The following LMCD1 variants were observed in gnomAD, a reference collection of about 807,000 sequenced individuals.
LMCD1 encodes the protein LIM and cysteine rich domains 1, also known as LIM and cysteine-rich domains protein 1.
A neutral mutation model predicts 42.7 loss-of-function variants in LMCD1; 32 were observed. The ratio of observed to expected loss-of-function variants is 0.75; its 90% CI spans 0.57 to 1.01. LMCD1 has a LOEUF of 1.01. Ranked by LOEUF, LMCD1 falls within the 50% of genes least tolerant of loss-of-function variation. The probability of loss-of-function intolerance (pLI) is 0.00; values close to 1 mark genes in which losing one functional copy is unlikely to be tolerated. For synonymous variants in LMCD1, 178 were observed against 184.9 expected, an observed-to-expected ratio of 0.96 and a Z score of 0.30; for missense variants, 458 against 483.1, an observed-to-expected ratio of 0.95 and a Z score of 0.49.
chr3:8,559,381 C>T (rs1694985465), intron 4 of LMCD1, among the ~76,000 whole-genome samples: 1 of 131,368 alleles, frequency 7.6e-6, no homozygotes, highest in South Asian at 2.3e-4. Context: ...TTATTGAGCC[C>T]TTATAAAGTC....
At position 8,567,595 on chromosome 3, in the gene LMCD1, C is replaced by T; in HGVS notation, c.1095C>T (p.Ser365=). 6.2e-7 allele frequency: 1 copy of T among 1,612,286 alleles called. No homozygotes were observed. Among genetic ancestry groups the T allele is most frequent in the South Asian group, 1.1e-5 (1 of 90,938 alleles). Residue 365 remains serine (S), a synonymous_variant, in exon 6 of 6, where the codon TCC becomes TCT. Coordinates refer to ENST00000157600, the MANE Select transcript of LMCD1 (RefSeq NM_014583.4). ...LCPTCSKSKR[S] is the part of the protein sequence containing the mutation. ...CAACTTGCAGCAAGTCCAAACGCTC[C>T]TGAAGGGCTGCCCACCCACAGCCAG...
In LMCD1 at chr3:8,561,381, G is replaced by GT. The variant is rs5846603; in HGVS notation, c.724-4034dup. On this transcript the variant is annotated intron_variant, in intron 4 of 5. Coordinates refer to ENST00000157600, the MANE Select transcript of LMCD1 (RefSeq NM_014583.4). ...AAAGATAATAATAATTGAGCACAGA[G>GT]TTTTTTTTTTTTTTTTTCCAATATA... Among the ~76,000 whole-genome samples the GT allele has an allele frequency of 4.1e-3, 589 of 144,630 alleles. 5 individuals carry two copies. The highest frequency in any genetic ancestry group is 7.3e-3 in the East Asian group (36 of 4,964). 94.9% of individuals were successfully genotyped at this position (144,630 alleles called of 152,430 possible).
intron 1 of LMCD1, 97 bp from the exon 2 acceptor site, chr3:8,532,640 C>A: frequency 1.0e-6 from 1 of 983,196 alleles, no homozygotes; most frequent in Non-Finnish European, 1.6e-6. Flanking sequence ...GAACCCCACA[C>A]AGTCCCTTTG....
At chr3:8,564,009 A>T (rs1302048515) in intron 4 of LMCD1, among the ~76,000 whole-genome samples, 1 of 152,220 alleles carries the variant, frequency 6.6e-6, no homozygotes, top group Non-Finnish European at 1.5e-5. Flanking sequence ...CCCAGCTAGG[A>T]GGAGCCTCAG....
chr3:8,534,073 T>G (rs113434478), intron 2 of LMCD1, among the ~76,000 whole-genome samples: 1 of 151,984 alleles, frequency 6.6e-6, no homozygotes, highest in Non-Finnish European at 1.5e-5. Flanking sequence ...GGAAAGAAAG[T>G]CAACTTCCTT....
At position 8,572,523 on chromosome 3, in the gene LMCD1, A is replaced by C. The variant is rs538375868; in HGVS notation, c.*4925A>C. 5 of 152,300 alleles carry C rather than the reference A, an allele frequency of 3.3e-5. No homozygotes were observed. In the South Asian group the frequency reaches 6.2e-4, roughly 19 times the overall value. The allele number at this position is 152,300 out of a possible 1,614,324, so 9.4% of individuals were successfully genotyped here. ...ACTGATCGAACTAATTATTATTATG[A>C]TAGTTGCCAAATGTTGGTTTTTCTA... On this transcript the variant is annotated 3_prime_UTR_variant, in exon 6 of 6. Coordinates refer to ENST00000157600, the MANE Select transcript of LMCD1 (RefSeq NM_014583.4).
At chr3:8,526,568 A>G (rs1694305517) in intron 1 of LMCD1, among the ~76,000 whole-genome samples, 1 of 152,192 alleles carries the variant, frequency 6.6e-6, no homozygotes, top group Non-Finnish European at 1.5e-5. Flanking sequence ...TCAAACTTTA[A>G]TTGTTTATCA....
chr3:8,523,858 A>T (rs996978941), intron 1 of LMCD1, among the ~76,000 whole-genome samples: 1 of 152,180 alleles, frequency 6.6e-6, no homozygotes, highest in African/African-American at 2.4e-5. Context: ...GACACACAGG[A>T]CCTGTCTCAG....
intron 4 of LMCD1, among the ~76,000 whole-genome samples, chr3:8,552,074 A>G (rs1243298317): frequency 6.6e-6 from 1 of 152,192 alleles, no homozygotes; most frequent in African/African-American, 2.4e-5. Context: ...TATCGGTAAC[A>G]CCTGCCTGTT....
At chr3:8,552,848 C>T (rs561037153) in intron 4 of LMCD1, among the ~76,000 whole-genome samples, 15 of 152,252 alleles carry the variant, frequency 9.9e-5, no homozygotes, top group African/African-American at 2.9e-4. Context: ...CTCAGCCTTC[C>T]GAGTAGCTGG....
At chr3:8,502,387 T>TA (rs1693772102) in intron 1 of LMCD1, among the ~76,000 whole-genome samples, 2 of 87,908 alleles carry the variant, frequency 2.3e-5, no homozygotes, top group East Asian at 5.8e-4. Flanking sequence ...ATAATATATA[T>TA]TATATATAAA....
intron 5 of LMCD1, among the ~76,000 whole-genome samples, chr3:8,566,772 C>T (rs1342822544): frequency 6.6e-6 from 1 of 152,222 alleles, no homozygotes; most frequent in Non-Finnish European, 1.5e-5. Context: ...AGTCAACATT[C>T]TAAGCCTTTC....
chr3:8,523,960 G>A (rs1271742570), intron 1 of LMCD1, among the ~76,000 whole-genome samples: 1 of 152,168 alleles, frequency 6.6e-6, no homozygotes, highest in Non-Finnish European at 1.5e-5. Flanking sequence ...TGGTAAGTAT[G>A]TTGATTCCAT....
At chr3:8,502,034 T>G in intron 1 of LMCD1, 54 bp downstream of exon 1, 1 of 1,509,660 alleles carries the variant, frequency 6.6e-7, no homozygotes, top group Non-Finnish European at 9.0e-7. Context: ...CTTGTTCCCC[T>G]TCCCATCTGT....
In LMCD1 at chr3:8,569,128, A is replaced by G. The variant is rs527551940; in HGVS notation, c.*1530A>G. The G allele has an allele frequency of 2.0e-5, 3 of 152,246 alleles. No individual in the cohort carries two copies. Among genetic ancestry groups the G allele is most frequent in the East Asian group, 3.9e-4 (2 of 5,174 alleles). The allele number at this position is 152,246 out of a possible 1,614,324, so 9.4% of individuals were successfully genotyped here. ...CTCTTCATTGCCTGCCAAGTTAACA[A>G]CCAAGTCCTCATGGACATTTGAATC... On this transcript the variant is annotated 3_prime_UTR_variant, in exon 6 of 6. Coordinates refer to ENST00000157600, the MANE Select transcript of LMCD1 (RefSeq NM_014583.4).
At chr3:8,530,803 C>T (rs1694397716) in intron 1 of LMCD1, among the ~76,000 whole-genome samples, 1 of 152,192 alleles carries the variant, frequency 6.6e-6, no homozygotes, top group African/African-American at 2.4e-5. Context: ...GAGCAAAGTC[C>T]TACCTGTGAA....
intron 3 of LMCD1, among the ~76,000 whole-genome samples, chr3:8,540,723 G>C (rs1373102207): frequency 6.6e-6 from 1 of 152,344 alleles, no homozygotes; most frequent in Admixed American, 6.5e-5. Flanking sequence ...AGGAAAGAGG[G>C]AGAAGACAAA....
Position 8,568,211 on chromosome 3 carries a change from T to C in LMCD1, c.*613T>C, listed in dbSNP as rs1236947043. 2 of 152,228 alleles carry C rather than the reference T, an allele frequency of 1.3e-5. No individual in the cohort carries two copies. The highest frequency in any genetic ancestry group is 3.8e-4 in the East Asian group (2 of 5,196). 9.4% of individuals were successfully genotyped at this position (152,228 alleles called of 1,614,324 possible). A position where few individuals can be genotyped will look rare whatever the true frequency, so the allele number is the denominator to read the frequency against. The stretch of plus-strand genomic sequence containing the variant: ...ATATAGTAAAATACTAATGAGCCTC[T>C]CTATCAATGTATCTCATCAGACTTC... On this transcript the variant is annotated 3_prime_UTR_variant, in exon 6 of 6. Coordinates refer to ENST00000157600, the MANE Select transcript of LMCD1 (RefSeq NM_014583.4).
At chr3:8,555,898 C>G (rs1694926939) in intron 4 of LMCD1, among the ~76,000 whole-genome samples, 1 of 152,086 alleles carries the variant, frequency 6.6e-6, no homozygotes, top group Admixed American at 6.5e-5. Context: ...TAGGCAATAT[C>G]TAAACAGATG....
Sources: allele counts gnomAD v4.1 joint callset (sites outside exome capture counted in the v4.1 genomes callset), GRCh38; gene constraint gnomAD v4.1.1; transcripts MANE v1.5; gene names NCBI Gene and HGNC (gene_info 2026-07-23, HGNC 2026-07-21).